Variants in ATP8A2 observed in about 807,000 individuals in gnomAD.
ATP8A2 encodes phospholipid-transporting ATPase IB.
A neutral mutation model predicts 165.6 loss-of-function variants in ATP8A2; 100 were observed. The ratio of observed to expected loss-of-function variants is 0.60; its 90% CI spans 0.51 to 0.71. The LOEUF is 0.71. ATP8A2 is among the 30% of genes least tolerant of loss of function. The pLI is 0.00. For synonymous variants in ATP8A2, 543 were observed against 548.8 expected, an observed-to-expected ratio of 0.99 and a Z score of 0.15; for missense variants, 1,227 against 1,479.5, an observed-to-expected ratio of 0.83 and a Z score of 2.80.
At chr13:25,643,236 G>A (rs1305063697) in intron 24 of ATP8A2, among the ~76,000 whole-genome samples, 1 of 152,122 alleles carries the variant, frequency 6.6e-6, no homozygotes, top group East Asian at 1.9e-4. Flanking sequence ...AGAATATTGT[G>A]ATCCTCTGGT....
chr13:25,896,139 A>G (rs574914504), intron 33 of ATP8A2, among the ~76,000 whole-genome samples: 5 of 152,258 alleles, frequency 3.3e-5, no homozygotes, highest in East Asian at 3.9e-4. Flanking sequence ...TGTCAATTTT[A>G]GATCTTTCCT....
chr13:25,734,468 A>C (rs932965115), intron 25 of ATP8A2, among the ~76,000 whole-genome samples: 1 of 152,178 alleles, frequency 6.6e-6, no homozygotes, highest in Non-Finnish European at 1.5e-5. Context: ...AGTACTTTAT[A>C]GTTTACAGTG....
At chr13:25,467,556 GTT>G (rs543308826) in intron 1 of ATP8A2, among the ~76,000 whole-genome samples, 2 of 143,596 alleles carry the variant, frequency 1.4e-5, no homozygotes, top group Admixed American at 6.9e-5. Context: ...TAAGATGTCA[GTT>G]TTTTTTTTTT....
chr13:25,495,959 A>G (rs2036665284), intron 2 of ATP8A2, among the ~76,000 whole-genome samples: 1 of 152,072 alleles, frequency 6.6e-6, no homozygotes, highest in African/African-American at 2.4e-5. Context: ...AGGCAGCACT[A>G]ACTGAGCAGT....
chr13:25,538,115 T>C, intron 7 of ATP8A2, 54 bp downstream of exon 7: 1 of 1,400,880 alleles, frequency 7.1e-7, no homozygotes, highest in South Asian at 1.2e-5. Context: ...AACAATAAAA[T>C]ATTAAGCAGC....
At chr13:25,379,992 G>A (rs1055143903) in intron 1 of ATP8A2, among the ~76,000 whole-genome samples, 11 of 152,176 alleles carry the variant, frequency 7.2e-5, no homozygotes, top group African/African-American at 2.7e-4. Flanking sequence ...ACCAGCGTGG[G>A]CAGGCAACTG....
At chr13:25,630,226 C>A (rs906570275) in intron 24 of ATP8A2, among the ~76,000 whole-genome samples, 1 of 152,028 alleles carries the variant, frequency 6.6e-6, no homozygotes, top group Non-Finnish European at 1.5e-5. Flanking sequence ...AAGTTTGTGG[C>A]CTTGAAGTGA....
intron 30 of ATP8A2, among the ~76,000 whole-genome samples, chr13:25,849,338 A>G (rs1593444908): frequency 6.6e-6 from 1 of 152,164 alleles, no homozygotes; most frequent in South Asian, 2.1e-4. Context: ...TCTGACCACT[A>G]TGTTATAACA....
rs531054359 is a variant in ATP8A2 at position 25,949,205 on chromosome 13, C to T, written c.3184-12370C>T. On this transcript the variant is annotated intron_variant, in intron 33 of 36. Coordinates refer to ENST00000381655, the MANE Select transcript of ATP8A2 (RefSeq NM_016529.6). ...TGTCTGTCTGTTCCAAGGCTGGGCT[C>T]TGCAGGGGCAGGAGAACAGCTTTAG... Among the ~76,000 whole-genome samples the T allele has an allele frequency of 2.6e-5, 4 of 152,350 alleles. No individual in the cohort carries two copies. In the East Asian group the frequency reaches 7.7e-4, roughly 29 times the overall value.
At chr13:25,850,471 T>A (rs1951979072) in intron 30 of ATP8A2, among the ~76,000 whole-genome samples, 1 of 133,452 alleles carries the variant, frequency 7.5e-6, no homozygotes, top group South Asian at 2.6e-4. Context: ...CCCTCTCAAC[T>A]GACCCCCACC....
At position 25,946,110 on chromosome 13, in the gene ATP8A2, C is replaced by T. The variant is rs620481; in HGVS notation, c.3184-15465C>T. 7.0e-3 allele frequency among the ~76,000 whole-genome samples: 1,071 copies of T among 152,144 alleles called. 9 individuals are homozygous for T. Among genetic ancestry groups the T allele is most frequent in the African/African-American group, 0.024 (1,015 of 41,476 alleles). On this transcript the variant is annotated intron_variant, in intron 33 of 36. Transcript: ENST00000381655. ...AATGAGGCACGGAGAGGTTAATTAA[C>T]CTTTTGAGTGTCGCAGTCTAAGGCT...
chr13:25,394,493 T>C (rs2033352011), intron 1 of ATP8A2, among the ~76,000 whole-genome samples: 1 of 152,204 alleles, frequency 6.6e-6, no homozygotes, highest in South Asian at 2.1e-4. Context: ...GAATCCAGGC[T>C]GTGCCCCCGA....
chr13:25,420,241 T>A (rs1467512607), intron 1 of ATP8A2, among the ~76,000 whole-genome samples: 2 of 152,226 alleles, frequency 1.3e-5, no homozygotes, highest in African/African-American at 2.4e-5. Flanking sequence ...TGTATTTTTT[T>A]AAAAAACCAC....
chr13:25,645,741 A>C (rs1043930963), intron 24 of ATP8A2, among the ~76,000 whole-genome samples: 5 of 151,996 alleles, frequency 3.3e-5, no homozygotes, highest in Admixed American at 2.0e-4. Context: ...TTCTCCTGTT[A>C]CTGAATTCTA....
At chr13:25,723,977 A>G (rs2043439930) in intron 25 of ATP8A2, among the ~76,000 whole-genome samples, 4 of 152,174 alleles carry the variant, frequency 2.6e-5, no homozygotes, top group Non-Finnish European at 5.9e-5. Context: ...ATGCGTGGCC[A>G]GGAAGTAGGT....
chr13:25,743,458 G>C (rs578077089), intron 25 of ATP8A2, among the ~76,000 whole-genome samples: 4 of 150,278 alleles, frequency 2.7e-5, no homozygotes, highest in African/African-American at 9.6e-5. Flanking sequence ...TTAGCATGGA[G>C]AATTCCAGCA....
At chr13:25,426,592 A>G (rs776217766) in intron 1 of ATP8A2, among the ~76,000 whole-genome samples, 1 of 152,208 alleles carries the variant, frequency 6.6e-6, no homozygotes, top group Non-Finnish European at 1.5e-5. Flanking sequence ...ACACTTGTCC[A>G]GACCATAGCC....
intron 2 of ATP8A2, among the ~76,000 whole-genome samples, chr13:25,521,366 G>A (rs1021153358): frequency 6.6e-6 from 1 of 152,044 alleles, no homozygotes; most frequent in Non-Finnish European, 1.5e-5. Context: ...TTCTGCAGGA[G>A]GTTTTTAGCT....
chr13:26,002,575 A>C (rs376122243), intron 35 of ATP8A2, among the ~76,000 whole-genome samples: 4 of 151,958 alleles, frequency 2.6e-5, no homozygotes, highest in Non-Finnish European at 4.4e-5. Context: ...AAAAAAAAAA[A>C]AAACTCACTC....
Sources: allele counts gnomAD v4.1 joint callset (sites outside exome capture counted in the v4.1 genomes callset), GRCh38; gene constraint gnomAD v4.1.1; transcripts MANE v1.5; gene names NCBI Gene and HGNC (gene_info 2026-07-23, HGNC 2026-07-21).